P4HA2: variants seen among roughly 807,000 people sequenced by gnomAD.
P4HA2 encodes the protein prolyl 4-hydroxylase subunit alpha 2, also known as prolyl 4-hydroxylase subunit alpha-2.
P4HA2 carries 46 observed loss-of-function variants against 76.9 expected under a neutral mutation model. The ratio of observed to expected loss-of-function variants is 0.60; its 90% CI spans 0.47 to 0.76. The LOEUF (loss-of-function observed/expected upper bound fraction) is 0.76, where lower values mean the gene tolerates loss of function less well. P4HA2 is among the 30% of genes least tolerant of loss of function. P4HA2 has a pLI of 0.00. For synonymous variants in P4HA2, 243 were observed against 254.0 expected, an observed-to-expected ratio of 0.96 and a Z score of 0.41; for missense variants, 583 against 669.4, an observed-to-expected ratio of 0.87 and a Z score of 1.42.
chr5:132,207,940 AGTCTGGCT>A, intron 7 of P4HA2, 56 bp from the exon 8 acceptor site: 1 of 1,401,450 alleles, frequency 7.1e-7, no homozygotes, highest in Non-Finnish European at 9.6e-7. Context: ...CCTCGGTCCC[AGTCTGGCT>A]GTCTGCAGAC....
intron 10 of P4HA2, 57 bp downstream of exon 10, chr5:132,203,691 C>T: frequency 9.1e-7 from 1 of 1,099,712 alleles, no homozygotes; most frequent in Non-Finnish European, 1.4e-6. Flanking sequence ...CCCTGTGAGA[C>T]CATCTAGCCA....
intron 1 of P4HA2, among the ~76,000 whole-genome samples, chr5:132,221,012 G>A (rs1561497907): frequency 6.6e-6 from 1 of 152,158 alleles, no homozygotes; most frequent in African/African-American, 2.4e-5. Flanking sequence ...CCAAGCCTGG[G>A]CCCCTTAACT....
At chr5:132,196,607 T>C (rs1459335636) in intron 12 of P4HA2, among the ~76,000 whole-genome samples, 1 of 152,218 alleles carries the variant, frequency 6.6e-6, no homozygotes, top group Non-Finnish European at 1.5e-5. Flanking sequence ...ACGCCTGTAA[T>C]GCCAGCACTT....
chr5:132,195,111 C>A, intron 13 of P4HA2, 89 bp from the exon 14 acceptor site: 1 of 864,756 alleles, frequency 1.2e-6, no homozygotes, highest in Non-Finnish European at 2.0e-6. Context: ...CTGCCCTGAG[C>A]AGAAACACCC....
intron 14 of P4HA2, 29 bp from the exon 15 acceptor site, chr5:132,193,109 T>A: frequency 6.5e-7 from 1 of 1,548,734 alleles, no homozygotes; most frequent in Non-Finnish European, 8.9e-7. Context: ...CATGTTACAA[T>A]CCTATTGGTC....
At chr5:132,225,794 G>A (rs1331684864) in intron 1 of P4HA2, among the ~76,000 whole-genome samples, 1 of 152,190 alleles carries the variant, frequency 6.6e-6, no homozygotes, top group Non-Finnish European at 1.5e-5. Context: ...GCTTTCGACA[G>A]GATACAAGGG....
Position 132,190,552 on chromosome 5 carries a change from A to T in P4HA2, c.*2458T>A, listed in dbSNP as rs1463100560. Among the ~76,000 whole-genome samples, 1 of 152,256 alleles carries T rather than the reference A, an allele frequency of 6.6e-6. No homozygotes were observed. Among genetic ancestry groups the T allele is most frequent in the African/African-American group, 2.4e-5 (1 of 41,472 alleles). Reference sequence around the variant, plus strand: ...ATCCTAATAAAATATGCAAAAAATTAAAAGTAGAACTTTACACTTCATACC... The same window carrying T: ...ATCCTAATAAAATATGCAAAAAATTTAAAGTAGAACTTTACACTTCATACC... On this transcript the variant is annotated 3_prime_UTR_variant, in exon 15 of 15. Coordinates refer to ENST00000360568, the MANE Select transcript of P4HA2 (RefSeq NM_001017974.2).
intron 1 of P4HA2, among the ~76,000 whole-genome samples, chr5:132,224,715 C>CG (rs35313991): frequency 0.32 from 48,934 of 151,952 alleles, 8,233 homozygotes; most frequent in South Asian, 0.5. Flanking sequence ...TAGCAAAAGG[C>CG]GGGGGATTGG....
Position 132,217,805 on chromosome 5 carries a change from C to T in P4HA2, c.126G>A (p.Gln42=). The T allele has an allele frequency of 6.2e-7, 1 of 1,613,390 alleles. No homozygotes were observed. Among genetic ancestry groups the T allele is most frequent in the Non-Finnish European group, 8.5e-7 (1 of 1,179,362 alleles). ...CCACAAGGATGTACTCTTTCAGAGA[C>T]TGCACCAGCTCTTTCTCTGCATAAA... ...DLIYAEKELV[Q]SLKEYILVEE... is the part of the protein sequence containing the mutation. Residue 42 remains glutamine, a synonymous_variant, in exon 3 of 15, where the codon CAG becomes CAA. Coordinates refer to ENST00000360568, the MANE Select transcript of P4HA2 (RefSeq NM_001017974.2).
In P4HA2 at chr5:132,207,700, A is replaced by T. The variant is rs770055355; in HGVS notation, c.1080+8T>A. 2 of 1,610,672 alleles carry T rather than the reference A, an allele frequency of 1.2e-6. No homozygotes were observed. Among genetic ancestry groups the T allele is most frequent in the African/African-American group, 1.3e-5 (1 of 74,836 alleles). On this transcript the variant is annotated splice_region_variant and intron_variant, in intron 8 of 14. Transcript: ENST00000360568. ...AGTGACCCGAGAAGGACCTACAGTG[A>T]CACCTACTTTAGGTTTTGCGATCTC...
chr5:132,191,955 G>A lies in P4HA2; in HGVS notation c.*1055C>T, dbSNP rs558244715. The A allele has an allele frequency of 2.0e-5, 3 of 152,302 alleles. No homozygotes were observed. Among genetic ancestry groups the A allele is most frequent in the Admixed American group, 1.3e-4 (2 of 15,304 alleles). The allele number at this position is 152,302 out of a possible 1,614,324, so 9.4% of individuals were successfully genotyped here. ...ATTAAAACAAATTACAGCTACACAA[G>A]CAACACGGATGAATCTTAAAACAAT... On this transcript the variant is annotated 3_prime_UTR_variant, in exon 15 of 15. Transcript: ENST00000360568.
At chr5:132,219,946 C>T (rs1053846628) in intron 1 of P4HA2, among the ~76,000 whole-genome samples, 1 of 152,190 alleles carries the variant, frequency 6.6e-6, no homozygotes, top group Admixed American at 6.5e-5. Flanking sequence ...AAGTGAATGG[C>T]GCCATGTGTT....
intron 1 of P4HA2, 75 bp from the exon 2 acceptor site, chr5:132,218,719 A>C: frequency 1.2e-6 from 1 of 823,300 alleles, no homozygotes; most frequent in Non-Finnish European, 2.1e-6. Flanking sequence ...ACACATAGGC[A>C]TGTACACACA....
intron 5 of P4HA2, among the ~76,000 whole-genome samples, chr5:132,210,937 C>A (rs910542886): frequency 2.0e-5 from 3 of 152,050 alleles, no homozygotes; most frequent in Non-Finnish European, 4.4e-5. Context: ...TAGGTGGCAA[C>A]CAAGCCATGG....
chr5:132,192,894 C>A lies in P4HA2; in HGVS notation c.*116G>T. ...TAGTATGGTCTCCCTCTGCTCCAGA[C>A]AAACATTCATTTCTCCAAAAATCAG... On this transcript the variant is annotated 3_prime_UTR_variant, in exon 15 of 15. Transcript: ENST00000360568. 1.3e-6 allele frequency: 1 copy of A among 745,152 alleles called. No individual in the cohort carries two copies. Among genetic ancestry groups the A allele is most frequent in the Non-Finnish European group, 2.4e-6 (1 of 409,706 alleles). 46.2% of individuals were successfully genotyped at this position (745,152 alleles called of 1,614,324 possible).
chr5:132,223,956 C>T (rs541694992), intron 1 of P4HA2, among the ~76,000 whole-genome samples: 1 of 152,358 alleles, frequency 6.6e-6, no homozygotes, highest in South Asian at 2.1e-4. Flanking sequence ...GGAAGCCACA[C>T]TTTGCCCAGG....
chr5:132,213,957 T>C lies in P4HA2; in HGVS notation c.428A>G (p.Tyr143Cys). The C allele has an allele frequency of 6.2e-7, 1 of 1,614,168 alleles. No individual in the cohort carries two copies. The highest frequency in any genetic ancestry group is 8.5e-7 in the Non-Finnish European group (1 of 1,179,972). The change falls in exon 5 of 15, where the codon TAC becomes TGC. Residue 143 changes from tyrosine to cysteine, a missense_variant. By Grantham distance (194) the Tyr-to-Cys change is radical. Transcript: ENST00000360568. ...AKALMRLQDT[Y>C]RLDPGTISRG... is the part of the protein sequence containing the mutation. ...GGAAATTGTGCCTGGGTCCAGCCTG[T>C]ATGTGTCCTGAAGTCTCATCAGGGC...
At chr5:132,212,095 C>T (rs1297076000) in intron 5 of P4HA2, among the ~76,000 whole-genome samples, 2 of 152,136 alleles carry the variant, frequency 1.3e-5, no homozygotes, top group African/African-American at 4.8e-5. Context: ...ATGGAGTAGC[C>T]TAGCTGACAT....
chr5:132,211,584 T>C (rs1273923513), intron 5 of P4HA2, among the ~76,000 whole-genome samples: 1 of 152,116 alleles, frequency 6.6e-6, no homozygotes, highest in East Asian at 1.9e-4. Context: ...TTGGGGACAG[T>C]AAACACAAGA....
Sources: gnomAD v4.1 joint callset for allele counts (sites outside exome capture counted in the v4.1 genomes callset) on GRCh38, gnomAD v4.1.1 for gene constraint, MANE v1.5 for transcripts, NCBI Gene and HGNC (gene_info 2026-07-23, HGNC 2026-07-21) for gene names.